Variants in LHPP observed in about 807,000 individuals in gnomAD.
The protein encoded by LHPP is phospholysine phosphohistidine inorganic pyrophosphate phosphatase.
Under a neutral mutation model 30.3 loss-of-function variants are expected in LHPP, and 24 were observed. That is an observed-to-expected ratio of 0.79 (90% CI 0.57 to 1.11). LHPP has a LOEUF of 1.11. LHPP is among the 50% of genes most tolerant of loss of function. The pLI, the probability that LHPP is intolerant of heterozygous loss-of-function variation, is 0.00. For missense variants in LHPP, 356 were observed against 367.2 expected, an observed-to-expected ratio of 0.97 and a Z score of 0.25; for synonymous variants, 150 against 157.1, an observed-to-expected ratio of 0.95 and a Z score of 0.34.
chr10:124,572,582 G>A (rs1948599603), intron 6 of LHPP, among the ~76,000 whole-genome samples: 1 of 150,864 alleles, frequency 6.6e-6, no homozygotes, highest in Non-Finnish European at 1.5e-5. Context: ...AGTAAACCGA[G>A]ATCACGCCAT....
chr10:124,472,004 A>G (rs1015355074), intron 1 of LHPP, among the ~76,000 whole-genome samples: 4 of 151,780 alleles, frequency 2.6e-5, no homozygotes, highest in Non-Finnish European at 4.4e-5. Context: ...AGAATGATGG[A>G]AGTGTTTTTA....
intron 6 of LHPP, among the ~76,000 whole-genome samples, chr10:124,563,116 T>C (rs913474476): frequency 2.6e-5 from 4 of 152,242 alleles, no homozygotes; most frequent in African/African-American, 7.2e-5. Flanking sequence ...GCCATGGTAC[T>C]CCTGGGCAGT....
rs199901871 is a variant in LHPP at position 124,596,946 on chromosome 10, C to T, written c.717-16318C>T. 6.2e-4 allele frequency among the ~76,000 whole-genome samples: 95 copies of T among 152,272 alleles called. 2 individuals carry two copies. In the East Asian group the frequency reaches 0.014, roughly 23 times the overall value. ...GACCGGGTGACGGAGACCCACCCTC[C>T]GTGTGGGTGGGCACCATCTCATCGG... On this transcript the variant is annotated intron_variant, in intron 6 of 6. Transcript: ENST00000368842. The surrounding 1 kb of genome is among the most constrained non-coding windows in gnomAD (Gnocchi z 4.6).
intron 6 of LHPP, among the ~76,000 whole-genome samples, chr10:124,587,478 C>T (rs913172247): frequency 1.3e-5 from 2 of 151,470 alleles, no homozygotes; most frequent in Admixed American, 6.6e-5. Context: ...CAGTGGCTCA[C>T]GTCTGTAATC....
chr10:124,587,393 TC>T (rs1948818555), intron 6 of LHPP, among the ~76,000 whole-genome samples: 1 of 151,888 alleles, frequency 6.6e-6, no homozygotes, highest in South Asian at 2.1e-4. Context: ...GGAAGCCATG[TC>T]CCCTCCACTT....
At chr10:124,468,445 C>T (rs1023466075) in intron 1 of LHPP, among the ~76,000 whole-genome samples, 2 of 152,186 alleles carry the variant, frequency 1.3e-5, no homozygotes, top group Admixed American at 6.5e-5. Context: ...GGGGACATCA[C>T]ACCCGTGATA....
chr10:124,592,266 C>G lies in LHPP; in HGVS notation c.717-20998C>G, dbSNP rs1211642582. ...GGAAGGCAAAACCTGGCAGATGGCACCCGGGCCTGATGGCTCCTCAACCCT... is the reference window on the plus strand; with the variant it reads ...GGAAGGCAAAACCTGGCAGATGGCAGCCGGGCCTGATGGCTCCTCAACCCT... On this transcript the variant is annotated intron_variant, in intron 6 of 6. Transcript: ENST00000368842. This position sits in a 1 kb window ranked among gnomAD's most constrained non-coding sequence, Gnocchi z 6.2. Among the ~76,000 whole-genome samples the G allele has an allele frequency of 2.0e-5, 3 of 152,100 alleles. No homozygotes were observed. Among genetic ancestry groups the G allele is most frequent in the African/African-American group, 7.2e-5 (3 of 41,416 alleles).
At chr10:124,598,275 C>A (rs1016253949) in intron 6 of LHPP, among the ~76,000 whole-genome samples, 1 of 152,244 alleles carries the variant, frequency 6.6e-6, no homozygotes, top group African/African-American at 2.4e-5. Flanking sequence ...TGGGTCAGCA[C>A]CCACAGGGGC....
intron 2 of LHPP, among the ~76,000 whole-genome samples, chr10:124,487,346 A>G (rs906773722): frequency 6.6e-6 from 1 of 152,126 alleles, no homozygotes; most frequent in Non-Finnish European, 1.5e-5. Context: ...GCTGTTCAGT[A>G]TCCTCACCAG....
chr10:124,530,141 T>TCCCCAGGC (rs1467435578), intron 6 of LHPP, among the ~76,000 whole-genome samples: 1 of 152,070 alleles, frequency 6.6e-6, no homozygotes, highest in African/African-American at 2.4e-5. Context: ...CCAGCAAGGA[T>TCCCCAGGC]CCCCAGGCCC....
intron 5 of LHPP, among the ~76,000 whole-genome samples, chr10:124,515,072 G>A (rs1188240031): frequency 2.0e-5 from 3 of 152,232 alleles, no homozygotes; most frequent in African/African-American, 7.2e-5. Context: ...ACAGTGCTAG[G>A]ATGATAGGTG....
Position 124,543,875 on chromosome 10 carries a change from C to G in LHPP, c.716+26604C>G, listed in dbSNP as rs532047948. Among the ~76,000 whole-genome samples, 87 of 152,284 alleles carry G rather than the reference C, an allele frequency of 5.7e-4. 1 individual carries two copies. In the South Asian group the frequency reaches 6.4e-3, roughly 11 times the overall value. ...CCACAATCCCACCTTCCAAAAGGAA[C>G]CACAGTTAGCATTTTGTTCAGCCTG... On this transcript the variant is annotated intron_variant, in intron 6 of 6. Transcript: ENST00000368842.
At chr10:124,573,394 A>C (rs1406434541) in intron 6 of LHPP, among the ~76,000 whole-genome samples, 1 of 152,146 alleles carries the variant, frequency 6.6e-6, no homozygotes, top group Admixed American at 6.5e-5. Flanking sequence ...ATCATAGCTC[A>C]CTATAGTCTC....
chr10:124,544,344 T>C (rs1284299595), intron 6 of LHPP, among the ~76,000 whole-genome samples: 3 of 152,158 alleles, frequency 2.0e-5, no homozygotes, highest in Non-Finnish European at 4.4e-5. Context: ...GAATATTCCT[T>C]GGCTGTGGGT....
intron 1 of LHPP, 103 bp from the exon 2 acceptor site, chr10:124,484,036 T>C (rs1017643838): frequency 2.7e-6 from 3 of 1,121,462 alleles, no homozygotes; most frequent in Non-Finnish European, 3.9e-6. Context: ...CCTAGTCTGC[T>C]CTGGGCTTTG....
chr10:124,601,473 G>A (rs138162964), intron 6 of LHPP, among the ~76,000 whole-genome samples: 171 of 152,302 alleles, frequency 1.1e-3, no homozygotes, highest in Non-Finnish European at 2.1e-3. Flanking sequence ...AGGATTGGGG[G>A]TTCAAGGTAC....
chr10:124,467,322 G>C (rs1003345331), intron 1 of LHPP, among the ~76,000 whole-genome samples: 8 of 150,526 alleles, frequency 5.3e-5, no homozygotes, highest in African/African-American at 7.4e-5. Context: ...GGTATTGTGG[G>C]GGTCAGGGAG....
intron 6 of LHPP, among the ~76,000 whole-genome samples, chr10:124,571,095 T>C (rs1948578878): frequency 6.6e-6 from 1 of 152,226 alleles, no homozygotes; most frequent in African/African-American, 2.4e-5. Context: ...ATGTGAGACA[T>C]GCCTTTCACC....
Position 124,478,360 on chromosome 10 carries a change from CG to C in LHPP, c.126-5775del, listed in dbSNP as rs1412388193. On this transcript the variant is annotated intron_variant, in intron 1 of 6. Transcript: ENST00000368842. The surrounding 1 kb of genome is among the most constrained non-coding windows in gnomAD (Gnocchi z 4.7). ...TGGGTCACACGAAGGTGACCAGTAC[CG>C]GGGCTAGAGGGCAGGGGGCCCAGCT... Among the ~76,000 whole-genome samples, 1 of 152,156 alleles carries C rather than the reference CG, an allele frequency of 6.6e-6. No homozygotes were observed. Among genetic ancestry groups the C allele is most frequent in the Non-Finnish European group, 1.5e-5 (1 of 68,004 alleles).
Sources: allele counts gnomAD v4.1 joint callset (sites outside exome capture counted in the v4.1 genomes callset), GRCh38; gene constraint gnomAD v4.1.1; non-coding constraint Gnocchi (gnomAD v3.1); transcripts MANE v1.5; gene names NCBI Gene and HGNC (gene_info 2026-07-23, HGNC 2026-07-21).